The following SIPA1L1 variants were observed in gnomAD, a reference collection of about 807,000 sequenced individuals.
SIPA1L1 encodes the protein signal-induced proliferation-associated 1-like protein 1.
A neutral mutation model predicts 162.7 loss-of-function variants in SIPA1L1; 26 were observed. The ratio of observed to expected loss-of-function variants is 0.16; its 90% CI spans 0.12 to 0.22. The LOEUF is 0.22. Ranked by LOEUF, SIPA1L1 falls within the 10% of genes least tolerant of loss-of-function variation. The pLI is 1.00. For synonymous variants in SIPA1L1, 829 were observed against 837.4 expected (o/e 0.99, Z 0.17); for missense variants, 1,874 against 2,241.0 (o/e 0.84, Z 3.31).
chr14:71,637,052 A>G (rs768206144), intron 7 of SIPA1L1, among the ~76,000 whole-genome samples: 1 of 128,158 alleles, frequency 7.8e-6, no homozygotes, highest in African/African-American at 2.8e-5. Flanking sequence ...CTCCATCTTT[A>G]AAAAAAAAAA....
At chr14:71,328,868 A>G (rs946417823) in intron 2 of SIPA1L1, among the ~76,000 whole-genome samples, 1 of 152,206 alleles carries the variant, frequency 6.6e-6, no homozygotes, top group African/African-American at 2.4e-5. Context: ...TTGTCATGAA[A>G]CAGATTTCCA....
intron 2 of SIPA1L1, among the ~76,000 whole-genome samples, chr14:71,341,662 C>T (rs373688487): frequency 6.6e-6 from 1 of 152,228 alleles, no homozygotes; most frequent in East Asian, 1.9e-4. Flanking sequence ...TCTCTCTCTC[C>T]CCTCTCTAGT....
intron 2 of SIPA1L1, among the ~76,000 whole-genome samples, chr14:71,510,846 A>T (rs866494374): frequency 3.3e-5 from 5 of 152,198 alleles, no homozygotes; most frequent in South Asian, 4.1e-4. Flanking sequence ...GTGAATAAGT[A>T]CGGGCCTTGA....
intron 5 of SIPA1L1, chr14:71,598,133 A>G (rs1002384964): frequency 2.5e-6 from 2 of 810,308 alleles, no homozygotes; most frequent in African/African-American, 1.9e-5. Flanking sequence ...CTTTTCAGGA[A>G]ATGACATTAC....
chr14:71,332,405 G>A (rs2140297963), intron 2 of SIPA1L1, among the ~76,000 whole-genome samples: 1 of 152,068 alleles, frequency 6.6e-6, no homozygotes, highest in African/African-American at 2.4e-5. Flanking sequence ...CTGTTTTGGT[G>A]CAAAAACAAT....
chr14:71,721,605 C>T (rs1235156845), intron 17 of SIPA1L1, among the ~76,000 whole-genome samples: 1 of 152,190 alleles, frequency 6.6e-6, no homozygotes, highest in African/African-American at 2.4e-5. Flanking sequence ...TTCAGGATTC[C>T]ACCTGCTTTA....
Position 71,733,735 on chromosome 14 carries a change from C to T in SIPA1L1, c.4931C>T (p.Pro1644Leu), listed in dbSNP as rs1366980553. The change falls in exon 21 of 24, where the codon CCT becomes CTT. Residue 1644 changes from proline to leucine, a missense_variant. Pro to Leu is a moderately conservative substitution (Grantham distance 98, BLOSUM62 -3). Transcript: ENST00000381232. ...ACCCGCAGGCAGCCTATGCCCGACC[C>T]TGGCCTGATGCCCCTGCCTGACACT... ...QETRRQPMPD[P>L]GLMPLPDTAA... 1 of 1,613,914 alleles carries T rather than the reference C, an allele frequency of 6.2e-7. No individual in the cohort carries two copies.
chr14:71,716,081 A>G (rs912734758), intron 17 of SIPA1L1, among the ~76,000 whole-genome samples: 22 of 152,010 alleles, frequency 1.4e-4, no homozygotes, highest in African/African-American at 5.1e-4. Flanking sequence ...TAGATGGACA[A>G]TTTTTCTTTA....
chr14:71,320,701 C>CA (rs2032582183), intron 1 of SIPA1L1, 198 bp downstream of exon 1: 1 of 144,494 alleles, frequency 6.9e-6, no homozygotes, highest in Non-Finnish European at 1.5e-5. Flanking sequence ...CGCACCTCCT[C>CA]ATCCCCCCCC....
intron 2 of SIPA1L1, among the ~76,000 whole-genome samples, chr14:71,407,210 ACTC>A (rs1277473792): frequency 1.3e-5 from 2 of 151,846 alleles, no homozygotes; most frequent in Admixed American, 6.6e-5. Flanking sequence ...AATAAAAAAT[ACTC>A]CTCACCTTGT....
At chr14:71,649,860 C>CA (rs879724929) in intron 7 of SIPA1L1, among the ~76,000 whole-genome samples, 555 of 144,864 alleles carry the variant, frequency 3.8e-3, no homozygotes, top group African/African-American at 4.4e-3. Context: ...TCTAATTTTA[C>CA]AAAAAAAAAA....
chr14:71,351,953 A>G (rs549820743), intron 2 of SIPA1L1, among the ~76,000 whole-genome samples: 48 of 151,148 alleles, frequency 3.2e-4, no homozygotes, highest in Admixed American at 6.6e-4. Context: ...AGTAAACAAC[A>G]TAAGTTTGTA....
At chr14:71,392,632 A>G (rs2040851582) in intron 2 of SIPA1L1, among the ~76,000 whole-genome samples, 2 of 151,476 alleles carry the variant, frequency 1.3e-5, no homozygotes, top group African/African-American at 4.8e-5. Context: ...GCTTCACACC[A>G]TTCTCCTGCC....
chr14:71,584,909 A>G (rs2034392389), intron 4 of SIPA1L1, among the ~76,000 whole-genome samples: 1 of 152,182 alleles, frequency 6.6e-6, no homozygotes, highest in Non-Finnish European at 1.5e-5. Context: ...GTTTGCTGAT[A>G]TTTAAGAGAG....
intron 12 of SIPA1L1, among the ~76,000 whole-genome samples, chr14:71,677,524 T>C (rs1596880573): frequency 6.6e-6 from 1 of 152,216 alleles, no homozygotes; most frequent in East Asian, 1.9e-4. Flanking sequence ...TTACTTTTGG[T>C]GTTTTAGTCA....
At chr14:71,563,828 T>C (rs2056980166) in intron 4 of SIPA1L1, among the ~76,000 whole-genome samples, 1 of 152,264 alleles carries the variant, frequency 6.6e-6, no homozygotes, top group Non-Finnish European at 1.5e-5. Context: ...CTGTGTATTC[T>C]TACTGCACTG....
chr14:71,547,911 G>A (rs1350945262), intron 4 of SIPA1L1, among the ~76,000 whole-genome samples: 2 of 152,140 alleles, frequency 1.3e-5, no homozygotes, highest in East Asian at 3.9e-4. Flanking sequence ...AGCGCGGGTG[G>A]CACACGACAG....
intron 2 of SIPA1L1, among the ~76,000 whole-genome samples, chr14:71,486,474 G>GA (rs2142917156): frequency 6.6e-6 from 1 of 152,340 alleles, no homozygotes; most frequent in Non-Finnish European, 1.5e-5. Flanking sequence ...ACTTCTACTT[G>GA]AAACTCCTTG....
chr14:71,595,861 A>G (rs1290377604), intron 5 of SIPA1L1, among the ~76,000 whole-genome samples: 2 of 152,212 alleles, frequency 1.3e-5, no homozygotes, highest in East Asian at 1.9e-4. Flanking sequence ...AATTGCAGGT[A>G]ACTTCTGTTC....
Sources: gnomAD v4.1 joint callset for allele counts (sites outside exome capture counted in the v4.1 genomes callset) on GRCh38, gnomAD v4.1.1 for gene constraint, MANE v1.5 for transcripts, NCBI Gene and HGNC (gene_info 2026-07-23, HGNC 2026-07-21) for gene names.